Variants in ROBO1 observed in about 807,000 individuals in gnomAD.
The protein encoded by ROBO1 is roundabout homolog 1.
ROBO1 carries 149 observed loss-of-function variants against 195.9 expected under a neutral mutation model. The ratio of observed to expected loss-of-function variants is 0.76; its 90% CI spans 0.67 to 0.87. ROBO1 has a LOEUF of 0.87. Among genes scored for constraint, ROBO1 ranks in the 40% least tolerant of loss-of-function variants. The pLI is 0.00. For missense variants in ROBO1, 1,933 were observed against 2,068.3 expected, an observed-to-expected ratio of 0.93 and a Z score of 1.27; for synonymous variants, 816 against 733.2, an observed-to-expected ratio of 1.11 and a Z score of -1.82.
chr3:79,766,269 C>G (rs1704985250), intron 1 of ROBO1, among the ~76,000 whole-genome samples: 1 of 151,814 alleles, frequency 6.6e-6, no homozygotes, highest in South Asian at 2.1e-4. Flanking sequence ...GTTTTCCTTC[C>G]CCTCTTGCAG....
At chr3:79,636,029 G>A (rs537903458) in intron 1 of ROBO1, among the ~76,000 whole-genome samples, 18 of 151,878 alleles carry the variant, frequency 1.2e-4, no homozygotes, top group African/African-American at 3.4e-4. Flanking sequence ...AGTCTTTCTC[G>A]CCACCATTAT....
At chr3:79,151,317 T>A (rs1325971670) in intron 2 of ROBO1, among the ~76,000 whole-genome samples, 1 of 151,858 alleles carries the variant, frequency 6.6e-6, no homozygotes, top group Non-Finnish European at 1.5e-5. Flanking sequence ...CTACCTCATC[T>A]TGCAAACCAA....
intron 3 of ROBO1, among the ~76,000 whole-genome samples, chr3:79,056,333 A>G (rs558451748): frequency 1.3e-5 from 2 of 152,086 alleles, no homozygotes; most frequent in African/African-American, 4.8e-5. Flanking sequence ...TATATTCTTC[A>G]TTATATTGAT....
intron 4 of ROBO1, among the ~76,000 whole-genome samples, chr3:78,910,059 G>A (rs2038155116): frequency 6.6e-6 from 1 of 151,684 alleles, no homozygotes; most frequent in South Asian, 2.1e-4. Flanking sequence ...AGATGAATAT[G>A]GGTATTAAAA....
intron 2 of ROBO1, among the ~76,000 whole-genome samples, chr3:79,552,582 C>G (rs893103621): frequency 6.6e-6 from 1 of 152,032 alleles, no homozygotes; most frequent in Non-Finnish European, 1.5e-5. Flanking sequence ...TTCTAATGTG[C>G]GAAGTATAAC....
intron 3 of ROBO1, among the ~76,000 whole-genome samples, chr3:79,106,979 T>A (rs2079793192): frequency 6.6e-6 from 1 of 151,642 alleles, no homozygotes; most frequent in South Asian, 2.1e-4. Flanking sequence ...AATCCAATAA[T>A]CTGAAGTCAA....
chr3:78,822,500 G>A (rs1165820808), intron 4 of ROBO1, among the ~76,000 whole-genome samples: 1 of 152,138 alleles, frequency 6.6e-6, no homozygotes, highest in Admixed American at 6.6e-5. Flanking sequence ...AGGGACTAGA[G>A]AATGAGCTTT....
chr3:78,662,128 A>G lies in ROBO1; in HGVS notation c.1967-14T>C, dbSNP rs1291715106. 2 of 1,553,192 alleles carry G rather than the reference A, an allele frequency of 1.3e-6. No individual in the cohort carries two copies. The highest frequency in any genetic ancestry group is 2.0e-5 in the Admixed American group (1 of 50,952). On this transcript the variant is annotated splice_polypyrimidine_tract_variant and intron_variant, in intron 14 of 30. Coordinates refer to ENST00000464233, the MANE Select transcript of ROBO1 (RefSeq NM_002941.4). ...TTGGTAGGACATCTACAACAAGTCA[A>G]GAAAACTGTGTCAGGGTCTGCACAA...
chr3:79,240,944 A>AT (rs1218780375), intron 2 of ROBO1, among the ~76,000 whole-genome samples: 1 of 152,064 alleles, frequency 6.6e-6, no homozygotes, highest in Non-Finnish European at 1.5e-5. Context: ...GCCATGCCTC[A>AT]TTTTTTTAAC....
chr3:79,150,085 T>G (rs191542965), intron 2 of ROBO1, among the ~76,000 whole-genome samples: 1 of 151,892 alleles, frequency 6.6e-6, no homozygotes, highest in East Asian at 2.0e-4. Context: ...AATTTGTCAG[T>G]TGCAGTTCAG....
rs1702814989 is a variant in ROBO1 at position 79,724,167 on chromosome 3, T to C, written c.-51+43585A>G. On this transcript the variant is annotated intron_variant, in intron 1 of 30. Coordinates refer to ENST00000464233, the MANE Select transcript of ROBO1 (RefSeq NM_002941.4). Reference sequence around the variant, plus strand: ...GACTCCTATGCCTGTTATAGTAGTGTTTTGTTTGCTCTTTTATTTCACCTC... The same window carrying C: ...GACTCCTATGCCTGTTATAGTAGTGCTTTGTTTGCTCTTTTATTTCACCTC... Among the ~76,000 whole-genome samples the C allele has an allele frequency of 2.0e-5, 3 of 152,354 alleles. No homozygotes were observed. In the South Asian group the frequency reaches 6.2e-4, roughly 32 times the overall value.
At chr3:79,575,491 A>C (rs1352035034) in intron 2 of ROBO1, among the ~76,000 whole-genome samples, 1 of 116,482 alleles carries the variant, frequency 8.6e-6, no homozygotes, top group African/African-American at 3.2e-5. Context: ...TATATAACAA[A>C]TATATAAATA....
chr3:79,114,910 A>G (rs192712886), intron 3 of ROBO1, among the ~76,000 whole-genome samples: 20 of 152,334 alleles, frequency 1.3e-4, no homozygotes, highest in Admixed American at 3.3e-4. Flanking sequence ...CTCAGGAAAT[A>G]TAATTGTTCA....
At position 78,724,659 on chromosome 3, in the gene ROBO1, G is replaced by A. The variant is rs2082122797; in HGVS notation, c.658-6776C>T. Among the ~76,000 whole-genome samples, 3 of 152,118 alleles carry A rather than the reference G, an allele frequency of 2.0e-5. No individual in the cohort carries two copies. In the South Asian group the frequency reaches 6.2e-4, roughly 32 times the overall value. On this transcript the variant is annotated intron_variant, in intron 5 of 30. Coordinates refer to ENST00000464233, the MANE Select transcript of ROBO1 (RefSeq NM_002941.4). ...ATCATGCTACTACACTCCAGCCTGG[G>A]CGACAGAGTGAGACTCTGTCACACA... is the stretch of plus-strand genomic sequence containing the variant.
intron 4 of ROBO1, among the ~76,000 whole-genome samples, chr3:78,901,255 G>A (rs1460654208): frequency 1.3e-5 from 2 of 152,110 alleles, no homozygotes; most frequent in African/African-American, 4.8e-5. Context: ...CAAGAACACA[G>A]CAGATGCCAC....
chr3:79,255,611 T>C (rs556113807), intron 2 of ROBO1, among the ~76,000 whole-genome samples: 3 of 152,294 alleles, frequency 2.0e-5, no homozygotes, highest in African/African-American at 4.8e-5. Context: ...TGTCACTGTG[T>C]TTTCTCACTT....
At chr3:78,703,969 C>A (rs898082803) in intron 8 of ROBO1, among the ~76,000 whole-genome samples, 2 of 151,966 alleles carry the variant, frequency 1.3e-5, no homozygotes, top group Admixed American at 6.6e-5. Flanking sequence ...CAGAGTCTGG[C>A]AAAAGCAGCA....
At chr3:79,145,834 T>A (rs887703525) in intron 2 of ROBO1, among the ~76,000 whole-genome samples, 3 of 151,876 alleles carry the variant, frequency 2.0e-5, no homozygotes, top group Non-Finnish European at 4.4e-5. Context: ...TAACACGAAT[T>A]AAATAAAATA....
At chr3:79,056,743 G>C (rs1452263284) in intron 3 of ROBO1, among the ~76,000 whole-genome samples, 1 of 152,056 alleles carries the variant, frequency 6.6e-6, no homozygotes, top group African/African-American at 2.4e-5. Flanking sequence ...CAGTTATCTA[G>C]TGTACAGCTT....
Sources: allele counts gnomAD v4.1 joint callset (sites outside exome capture counted in the v4.1 genomes callset), GRCh38; gene constraint gnomAD v4.1.1; transcripts MANE v1.5; gene names NCBI Gene and HGNC (gene_info 2026-07-23, HGNC 2026-07-21).